The following LRP5 variants were observed in gnomAD, a reference collection of about 807,000 sequenced individuals.
LRP5 encodes the protein low-density lipoprotein receptor-related protein 5.
In LRP5, 62 loss-of-function variants were observed where a neutral mutation model predicts 154.1. The observed-to-expected ratio is 0.40, with a 90% CI of 0.33 to 0.50. The LOEUF (loss-of-function observed/expected upper bound fraction) is 0.50, where lower values mean the gene tolerates loss of function less well. Among genes scored for constraint, LRP5 ranks in the 20% least tolerant of loss-of-function variants. LRP5 has a pLI of 0.55. For missense variants in LRP5, 1,915 were observed against 2,336.7 expected (o/e 0.82, Z 3.72); for synonymous variants, 966 against 1,011.5 (o/e 0.96, Z 0.85).
intron 1 of LRP5, among the ~76,000 whole-genome samples, chr11:68,341,040 C>T (rs2098608684): frequency 8.8e-6 from 1 of 113,310 alleles, no homozygotes; most frequent in Admixed American, 1.0e-4. Flanking sequence ...TCTAGTTACC[C>T]CTGCCGCTGG....
chr11:68,305,620 T>G, the LRP5 span, among the ~76,000 whole-genome samples: 1 of 152,100 alleles, frequency 6.6e-6, no homozygotes, highest in East Asian at 1.9e-4. Flanking sequence ...TTTTCATATT[T>G]TCAGTAGAAA....
At chr11:68,390,399 T>A (rs936775781) in intron 7 of LRP5, among the ~76,000 whole-genome samples, 1 of 152,240 alleles carries the variant, frequency 6.6e-6, no homozygotes, top group African/African-American at 2.4e-5. Context: ...ACTGTGAGAT[T>A]TAAATTATTT....
At chr11:68,321,154 A>G (rs1229208557) in intron 1 of LRP5, among the ~76,000 whole-genome samples, 1 of 142,038 alleles carries the variant, frequency 7.0e-6, no homozygotes, top group East Asian at 2.1e-4. Flanking sequence ...GGTCCATCCT[A>G]TCCATTCATT....
At chr11:68,427,014 C>T (rs1023847885) in intron 16 of LRP5, among the ~76,000 whole-genome samples, 2 of 152,188 alleles carry the variant, frequency 1.3e-5, no homozygotes, top group African/African-American at 2.4e-5. Flanking sequence ...GGGCTCCCTG[C>T]GTCAGTCCCT....
At chr11:68,446,322 G>A (rs1015797778) in intron 21 of LRP5, 114 bp from the exon 22 acceptor site, 13 of 795,358 alleles carry the variant, frequency 1.6e-5, no homozygotes, top group Non-Finnish European at 2.6e-5. Context: ...AGGGGTCCTG[G>A]GAAGCAGGGG....
At chr11:68,316,097 G>T (rs1425020851) in intron 1 of LRP5, among the ~76,000 whole-genome samples, 1 of 151,982 alleles carries the variant, frequency 6.6e-6, no homozygotes, top group Non-Finnish European at 1.5e-5. Context: ...GTGACTTCCC[G>T]TTCCCTCTCC....
chr11:68,374,104 A>G (rs1453281080), intron 5 of LRP5, among the ~76,000 whole-genome samples: 2 of 152,228 alleles, frequency 1.3e-5, no homozygotes. Context: ...TGTCAGGGAC[A>G]GGAAACAAAA....
upstream of LRP5, among the ~76,000 whole-genome samples, chr11:68,308,532 G>A (rs2098585389): frequency 6.6e-6 from 1 of 152,188 alleles, no homozygotes; most frequent in South Asian, 2.1e-4. Flanking sequence ...ACCGTCTGGG[G>A]AAGTGGAAGC....
chr11:68,380,113 A>G (rs2089915), intron 5 of LRP5, among the ~76,000 whole-genome samples: 7,032 of 152,308 alleles, frequency 0.046, 539 homozygotes, highest in African/African-American at 0.16. Flanking sequence ...AGCCTGGGCA[A>G]TAAGAGTGAA....
At chr11:68,408,242 A>ATTTTTTTT (rs11299690) in intron 9 of LRP5, among the ~76,000 whole-genome samples, 1 of 52,108 alleles carries the variant, frequency 1.9e-5, no homozygotes, top group Non-Finnish European at 3.5e-5. Context: ...CTCCTGGCTG[A>ATTTTTTTT]TTTTTTTTTT....
At chr11:68,359,397 T>C (rs2098625803) in intron 3 of LRP5, among the ~76,000 whole-genome samples, 1 of 152,258 alleles carries the variant, frequency 6.6e-6, no homozygotes, top group Middle Eastern at 3.4e-3. Context: ...GGTTTGAGAT[T>C]TGGAAATGTG....
upstream of LRP5, among the ~76,000 whole-genome samples, chr11:68,309,082 C>T (rs1302255574): frequency 5.3e-5 from 8 of 150,076 alleles, no homozygotes; most frequent in Middle Eastern, 7.0e-3. Context: ...TACAGGTGCC[C>T]GCCACCACGC....
intron 2 of LRP5, among the ~76,000 whole-genome samples, chr11:68,348,552 G>T (rs1432056234): frequency 2.1e-5 from 3 of 145,030 alleles, no homozygotes; most frequent in Non-Finnish European, 4.5e-5. Context: ...TCGTGGGGGG[G>T]TTGGTTCAGG....
intron 21 of LRP5, among the ~76,000 whole-genome samples, chr11:68,442,455 T>C (rs1320462484): frequency 6.6e-6 from 1 of 152,102 alleles, no homozygotes; most frequent in Admixed American, 6.5e-5. Context: ...TTTAAATTTT[T>C]TGTGGAGGTG....
intron 13 of LRP5, among the ~76,000 whole-genome samples, chr11:68,421,724 GGTGT>G (rs1413329407): frequency 8.7e-6 from 1 of 115,332 alleles, no homozygotes; most frequent in East Asian, 2.5e-4. Context: ...GTGTGTGTGT[GGTGT>G]GTGTGTGGTG....
chr11:68,372,451 C>T (rs1356654204), intron 5 of LRP5, among the ~76,000 whole-genome samples: 1 of 151,214 alleles, frequency 6.6e-6, no homozygotes, highest in Non-Finnish European at 1.5e-5. Flanking sequence ...CAGCGTCAGG[C>T]GGACCCGGGA....
intron 7 of LRP5, among the ~76,000 whole-genome samples, chr11:68,394,725 A>G (rs1360289020): frequency 6.6e-6 from 1 of 150,736 alleles, no homozygotes; most frequent in African/African-American, 2.4e-5. Context: ...CGGCCTCCCA[A>G]AGTGCTGGGA....
rs1291276123 is a variant in LRP5, at chr11:68,447,745, TG to T, written c.4587-1063del. Among the ~76,000 whole-genome samples, 2 of 152,184 alleles carry T rather than the reference TG, an allele frequency of 1.3e-5. No individual in the cohort carries two copies. Among genetic ancestry groups the T allele is most frequent in the Non-Finnish European group, 2.9e-5 (2 of 68,036 alleles). On this transcript the variant is annotated intron_variant, in intron 22 of 22. Transcript: ENST00000294304. The surrounding 1 kb of genome is among the most constrained non-coding windows in gnomAD (Gnocchi z 4.3). Reference sequence around the variant, plus strand: ...ACTTTTCTCAACACCCGGTGTTGGCTGCACCTTCCCACCCATTGCAGGCCCC... The same window carrying T: ...ACTTTTCTCAACACCCGGTGTTGGCTCACCTTCCCACCCATTGCAGGCCCC...
Position 68,429,632 on chromosome 11 carries a change from G to T in LRP5, c.3695G>T (p.Gly1232Val). 6.2e-7 allele frequency: 1 copy of T among 1,614,180 alleles called. No individual in the cohort carries two copies. Among genetic ancestry groups the T allele is most frequent in the Non-Finnish European group, 8.5e-7 (1 of 1,180,050 alleles). Reference sequence around the variant, plus strand: ...TGCTCCCACATCTGTATTGCCAAGGGTGATGGGACACCACGGTGCTCATGC... The same window carrying T: ...TGCTCCCACATCTGTATTGCCAAGGTTGATGGGACACCACGGTGCTCATGC... ...GGCSHICIAK[G>V]DGTPRCSCPV... is the part of the protein sequence containing the mutation. Residue 1232 changes from glycine to valine, a missense_variant, in exon 17 of 23, where the codon GGT becomes GTT. Gly to Val is a moderately radical substitution (Grantham distance 109, BLOSUM62 -3). This residue lies in a region of LRP5 where 1,094 missense variants were observed against 1,210.1 expected (regional missense o/e 0.90). Transcript: ENST00000294304.
Sources: gnomAD v4.1 joint callset for allele counts (sites outside exome capture counted in the v4.1 genomes callset) on GRCh38, gnomAD v4.1.1 for gene constraint, gnomAD v4.1.1 regional missense constraint, Gnocchi (gnomAD v3.1) non-coding constraint, MANE v1.5 for transcripts, NCBI Gene and HGNC (gene_info 2026-07-23, HGNC 2026-07-21) for gene names.